The following SYCP1 variants were observed in gnomAD, a reference collection of about 807,000 sequenced individuals.
SYCP1 encodes the protein synaptonemal complex protein 1.
In SYCP1, 64 loss-of-function variants were observed where a neutral mutation model predicts 153.1. The ratio of observed to expected loss-of-function variants is 0.42; its 90% CI spans 0.34 to 0.51. The LOEUF (loss-of-function observed/expected upper bound fraction) is 0.51. Ranked by LOEUF, SYCP1 falls within the 20% of genes least tolerant of loss-of-function variation. The probability of loss-of-function intolerance (pLI) is 0.06; values close to 1 mark genes in which losing one functional copy is unlikely to be tolerated. For missense variants in SYCP1, 997 were observed against 1,049.0 expected, an observed-to-expected ratio of 0.95 and a Z score of 0.68; for synonymous variants, 384 against 341.8, an observed-to-expected ratio of 1.12 and a Z score of -1.36.
At chr1:114,920,885 G>C (rs1668821637) in intron 20 of SYCP1, among the ~76,000 whole-genome samples, 1 of 152,144 alleles carries the variant, frequency 6.6e-6, no homozygotes, top group Non-Finnish European at 1.5e-5. Context: ...GTGAAGAGGT[G>C]TTTCTTGTTA....
chr1:114,979,236 C>T (rs1006322819), intron 28 of SYCP1, among the ~76,000 whole-genome samples: 5 of 150,230 alleles, frequency 3.3e-5, no homozygotes, highest in African/African-American at 1.2e-4. Context: ...TTAACTTCTT[C>T]GTGTTTCAAT....
At chr1:114,906,655 AT>A (rs1244497841) in intron 16 of SYCP1, among the ~76,000 whole-genome samples, 20 of 152,124 alleles carry the variant, frequency 1.3e-4, no homozygotes, top group Non-Finnish European at 1.3e-4. Flanking sequence ...TATTTGGAGA[AT>A]TTCCTGTTAT....
chr1:114,885,185 A>G (rs915847384), intron 12 of SYCP1, among the ~76,000 whole-genome samples: 1 of 152,166 alleles, frequency 6.6e-6, no homozygotes, highest in African/African-American at 2.4e-5. Context: ...ATCCAAATTA[A>G]TAATCAATAA....
chr1:114,946,010 T>A lies in SYCP1; in HGVS notation c.2155-279T>A, dbSNP rs539828456. ...CTGGCAAATTTTTAAATGTTAAAATTCAATGTTTCCAAAGATAAAAGAATT... is the reference window on the plus strand; with the variant it reads ...CTGGCAAATTTTTAAATGTTAAAATACAATGTTTCCAAAGATAAAAGAATT... On this transcript the variant is annotated intron_variant, in intron 25 of 31. Coordinates refer to ENST00000369522, the MANE Select transcript of SYCP1 (RefSeq NM_003176.4). Among the ~76,000 whole-genome samples, 5 of 152,226 alleles carry A rather than the reference T, an allele frequency of 3.3e-5. No individual in the cohort carries two copies. The South Asian group carries it at 1.0e-3, about 32-fold the overall frequency.
chr1:114,939,020 C>A lies in SYCP1; in HGVS notation c.1927-5319C>A, dbSNP rs143199636. Among the ~76,000 whole-genome samples, 518 of 152,172 alleles carry A rather than the reference C, an allele frequency of 3.4e-3. 3 individuals are homozygous for A. Among genetic ancestry groups the A allele is most frequent in the African/African-American group, 0.012 (490 of 41,524 alleles). On this transcript the variant is annotated intron_variant, in intron 23 of 31. Coordinates refer to ENST00000369522, the MANE Select transcript of SYCP1 (RefSeq NM_003176.4). Reference sequence around the variant, plus strand: ...TTTGTGGTTCCCCAAAAAAATAAAACTAAAATAACTATATGATCCACTAAT... The same window carrying A: ...TTTGTGGTTCCCCAAAAAAATAAAAATAAAATAACTATATGATCCACTAAT...
chr1:114,969,006 G>C (rs557721069), intron 27 of SYCP1, among the ~76,000 whole-genome samples: 1 of 152,298 alleles, frequency 6.6e-6, no homozygotes, highest in Admixed American at 6.5e-5. Flanking sequence ...ATCACCAGCG[G>C]AGGCTGCAGA....
chr1:114,915,734 A>G (rs1258876359), intron 20 of SYCP1, among the ~76,000 whole-genome samples: 5 of 152,224 alleles, frequency 3.3e-5, no homozygotes, highest in African/African-American at 1.2e-4. Context: ...CTAGAGGGCT[A>G]GCATGCTTGA....
chr1:114,943,626 G>C (rs1378430159), intron 23 of SYCP1, among the ~76,000 whole-genome samples: 1 of 151,876 alleles, frequency 6.6e-6, no homozygotes, highest in Non-Finnish European at 1.5e-5. Context: ...CGAAAGGGCA[G>C]TAGGGGAAAA....
chr1:114,946,862 C>T (rs1350297266), intron 26 of SYCP1, among the ~76,000 whole-genome samples: 2 of 152,112 alleles, frequency 1.3e-5, no homozygotes, highest in Non-Finnish European at 1.5e-5. Context: ...GCCTCAGCCT[C>T]CTGAGTAGCT....
intron 16 of SYCP1, among the ~76,000 whole-genome samples, chr1:114,899,285 T>C (rs1667263988): frequency 6.6e-6 from 1 of 152,168 alleles, no homozygotes; most frequent in Non-Finnish European, 1.5e-5. Context: ...TACTCAATTA[T>C]TAAAGGCTGT....
intron 8 of SYCP1, among the ~76,000 whole-genome samples, chr1:114,868,923 C>T (rs1012852643): frequency 6.6e-6 from 1 of 151,926 alleles, no homozygotes; most frequent in African/African-American, 2.4e-5. Flanking sequence ...AATTTGAATC[C>T]TCTCTCTCTT....
chr1:114,958,550 T>C (rs1027308308), intron 27 of SYCP1, among the ~76,000 whole-genome samples: 3 of 152,134 alleles, frequency 2.0e-5, no homozygotes, highest in African/African-American at 7.2e-5. Flanking sequence ...TCACATGTAC[T>C]CCCAAAATAT....
intron 27 of SYCP1, among the ~76,000 whole-genome samples, chr1:114,956,934 A>G (rs1671474691): frequency 6.6e-6 from 1 of 152,230 alleles, no homozygotes; most frequent in Non-Finnish European, 1.5e-5. Context: ...ATCCACAAGC[A>G]TCAAGAACAT....
chr1:114,945,065 CTTAT>C (rs1670623803), intron 25 of SYCP1, 83 bp downstream of exon 25: 1 of 1,010,796 alleles, frequency 9.9e-7, no homozygotes, highest in African/African-American at 1.7e-5. Context: ...AGATAGTATT[CTTAT>C]TTGTCAGAGA....
At chr1:114,941,749 C>T (rs1473207269) in intron 23 of SYCP1, among the ~76,000 whole-genome samples, 2 of 152,000 alleles carry the variant, frequency 1.3e-5, no homozygotes, top group Non-Finnish European at 2.9e-5. Context: ...AAAATGCTCC[C>T]AAGTCCAAAA....
chr1:114,936,582 C>G (rs535921152), intron 23 of SYCP1, among the ~76,000 whole-genome samples: 9 of 152,094 alleles, frequency 5.9e-5, no homozygotes, highest in Admixed American at 2.0e-4. Flanking sequence ...GAAATAAAGG[C>G]TATTCAATTA....
At chr1:114,966,663 A>G (rs762204788) in intron 27 of SYCP1, among the ~76,000 whole-genome samples, 3 of 149,302 alleles carry the variant, frequency 2.0e-5, no homozygotes, top group Admixed American at 6.7e-5. Context: ...TTTTGAGTGA[A>G]TTCCTGTTTT....
At chr1:114,993,869 A>G (rs1674091754) in intron 30 of SYCP1, among the ~76,000 whole-genome samples, 1 of 151,514 alleles carries the variant, frequency 6.6e-6, no homozygotes, top group African/African-American at 2.4e-5. Context: ...CCCATTAAAC[A>G]ATAACTCTTT....
At chr1:114,954,056 T>A (rs1165242821) in intron 27 of SYCP1, among the ~76,000 whole-genome samples, 1 of 144,036 alleles carries the variant, frequency 6.9e-6, no homozygotes, top group Non-Finnish European at 1.6e-5. Context: ...AAATAGACAT[T>A]TGTTCTTATT....
Sources: allele counts gnomAD v4.1 joint callset (sites outside exome capture counted in the v4.1 genomes callset), GRCh38; gene constraint gnomAD v4.1.1; transcripts MANE v1.5; gene names NCBI Gene and HGNC (gene_info 2026-07-23, HGNC 2026-07-21).